SLC44A5: variants seen among roughly 807,000 people sequenced by gnomAD.
The protein encoded by SLC44A5 is choline transporter-like protein 5.
Under a neutral mutation model 101.8 loss-of-function variants are expected in SLC44A5, and 57 were observed. The ratio of observed to expected loss-of-function variants is 0.56; its 90% CI spans 0.45 to 0.70. The LOEUF (loss-of-function observed/expected upper bound fraction) is 0.70. Among genes scored for constraint, SLC44A5 ranks in the 30% least tolerant of loss-of-function variants. The pLI is 0.00. For missense variants in SLC44A5, 737 were observed against 853.1 expected (o/e 0.86, Z 1.70); for synonymous variants, 281 against 290.9 (o/e 0.97, Z 0.35).
At chr1:75,470,873 A>G (rs1667070128) in intron 2 of SLC44A5, among the ~76,000 whole-genome samples, 2 of 152,156 alleles carry the variant, frequency 1.3e-5, no homozygotes. Flanking sequence ...TGTTCTCTAG[A>G]ACAATGGATA....
chr1:75,273,093 C>T (rs1487063967), intron 6 of SLC44A5, among the ~76,000 whole-genome samples: 1 of 152,032 alleles, frequency 6.6e-6, no homozygotes, highest in African/African-American at 2.4e-5. Flanking sequence ...AGAGATCTTT[C>T]ACCTTGTTGG....
At chr1:75,204,727 A>C (rs1646720875) in intron 23 of SLC44A5, 1 of 152,206 alleles carries the variant, frequency 6.6e-6, no homozygotes. Context: ...GGCTCCAGTG[A>C]TCTGTCCATC....
chr1:75,595,528 A>T (rs1674583470), intron 1 of SLC44A5, among the ~76,000 whole-genome samples: 1 of 152,144 alleles, frequency 6.6e-6, no homozygotes, highest in Admixed American at 6.5e-5. Context: ...TAGTTAATTG[A>T]TTATCCAGAA....
intron 1 of SLC44A5, among the ~76,000 whole-genome samples, chr1:75,594,165 C>G (rs1209461551): frequency 6.6e-6 from 1 of 151,896 alleles, no homozygotes; most frequent in Admixed American, 6.6e-5. Flanking sequence ...CACTTAAGAT[C>G]TTTACATTGA....
chr1:75,303,337 G>A (rs1260215222), intron 4 of SLC44A5, among the ~76,000 whole-genome samples: 1 of 152,128 alleles, frequency 6.6e-6, no homozygotes, highest in African/African-American at 2.4e-5. Flanking sequence ...CCTGGTTCAA[G>A]CAATTCTCCT....
chr1:75,367,744 C>A (rs1044569362), intron 3 of SLC44A5, among the ~76,000 whole-genome samples: 5 of 152,166 alleles, frequency 3.3e-5, no homozygotes, highest in African/African-American at 9.6e-5. Context: ...GCCAAGGTCA[C>A]CATCAGTGAG....
At chr1:75,260,589 C>A (rs978944267) in intron 6 of SLC44A5, among the ~76,000 whole-genome samples, 1 of 151,930 alleles carries the variant, frequency 6.6e-6, no homozygotes, top group Non-Finnish European at 1.5e-5. Context: ...ACTTTAACAC[C>A]CCACTGTCAA....
the SLC44A5 span, among the ~76,000 whole-genome samples, chr1:75,685,525 C>T: frequency 1.3e-5 from 2 of 152,098 alleles, no homozygotes; most frequent in Non-Finnish European, 2.9e-5. Flanking sequence ...TGACCAGTTC[C>T]CAAGAAGTTC....
intron 4 of SLC44A5, among the ~76,000 whole-genome samples, chr1:75,326,058 A>G (rs1037091948): frequency 1.2e-4 from 18 of 148,786 alleles, no homozygotes; most frequent in African/African-American, 4.5e-4. Flanking sequence ...AGCATTTTTT[A>G]TTTTAAATTT....
intron 3 of SLC44A5, among the ~76,000 whole-genome samples, chr1:75,351,846 C>CAAAAA (rs71071942): frequency 1.4e-4 from 4 of 28,408 alleles, no homozygotes; most frequent in East Asian, 2.2e-3. Flanking sequence ...CACACTTTAC[C>CAAAAA]AAAAAAAAAA....
intron 4 of SLC44A5, among the ~76,000 whole-genome samples, chr1:75,305,962 G>A (rs1654867362): frequency 6.6e-6 from 1 of 152,214 alleles, no homozygotes; most frequent in Non-Finnish European, 1.5e-5. Context: ...AAACTACAGT[G>A]TATGGGCCAA....
intron 1 of SLC44A5, among the ~76,000 whole-genome samples, chr1:75,590,405 C>T (rs1332788): frequency 0.3 from 45,022 of 152,000 alleles, 7,693 homozygotes; most frequent in Non-Finnish European, 0.4. Flanking sequence ...TAGCAATACC[C>T]AGGTACTACA....
chr1:75,665,130 AC>A, the SLC44A5 span, among the ~76,000 whole-genome samples: 1 of 152,118 alleles, frequency 6.6e-6, no homozygotes. Context: ...AAGGAAACAA[AC>A]AAAAAAAAGA....
chr1:75,612,577 T>G (rs947620668), upstream of SLC44A5, among the ~76,000 whole-genome samples: 1 of 152,220 alleles, frequency 6.6e-6, no homozygotes, highest in Non-Finnish European at 1.5e-5. Flanking sequence ...CTCCTGGTAT[T>G]AATCACTATG....
the SLC44A5 span, among the ~76,000 whole-genome samples, chr1:75,723,194 T>C: frequency 2.0e-5 from 3 of 152,232 alleles, no homozygotes; most frequent in Non-Finnish European, 4.4e-5. Flanking sequence ...TGACCCTGTC[T>C]CCTTTATGCG....
At chr1:75,483,936 C>T (rs1040078783) in intron 2 of SLC44A5, among the ~76,000 whole-genome samples, 1 of 152,114 alleles carries the variant, frequency 6.6e-6, no homozygotes, top group African/African-American at 2.4e-5. Flanking sequence ...CACTTCAAAA[C>T]CATCAGCTCT....
At chr1:75,651,555 G>A in the SLC44A5 span, among the ~76,000 whole-genome samples, 76 of 151,972 alleles carry the variant, frequency 5.0e-4, no homozygotes, top group East Asian at 0.014. Context: ...AAATTAGCTG[G>A]GCGTGGTGGT....
intron 3 of SLC44A5, among the ~76,000 whole-genome samples, chr1:75,373,212 A>G (rs1660344268): frequency 6.6e-6 from 1 of 152,168 alleles, no homozygotes; most frequent in Non-Finnish European, 1.5e-5. Context: ...CTTTGAAAAA[A>G]TATTTTGAGA....
At chr1:75,472,210 G>C (rs563960454) in intron 2 of SLC44A5, among the ~76,000 whole-genome samples, 1 of 152,068 alleles carries the variant, frequency 6.6e-6, no homozygotes, top group East Asian at 1.9e-4. Context: ...AAAAAATAAG[G>C]TATCTTTAGG....
Sources: allele counts gnomAD v4.1 joint callset (sites outside exome capture counted in the v4.1 genomes callset), GRCh38; gene constraint gnomAD v4.1.1; transcripts MANE v1.5; gene names NCBI Gene and HGNC (gene_info 2026-07-23, HGNC 2026-07-21).